The following GSE1 variants were observed in gnomAD, a reference collection of about 807,000 sequenced individuals.
GSE1 encodes genetic suppressor element 1.
GSE1 carries 32 observed loss-of-function variants against 112.6 expected under a neutral mutation model. The observed-to-expected ratio is 0.28, with a 90% CI of 0.21 to 0.38. GSE1 has a LOEUF of 0.38. Among genes scored for constraint, GSE1 ranks in the 10% least tolerant of loss-of-function variants. GSE1 has a pLI of 1.00. For synonymous variants in GSE1, 1,115 were observed against 735.6 expected, an observed-to-expected ratio of 1.52 and a Z score of -8.35; for missense variants, 2,348 against 1,699.2, an observed-to-expected ratio of 1.38 and a Z score of -6.71.
intron 2 of GSE1, among the ~76,000 whole-genome samples, chr16:85,371,851 A>T (rs2047307964): frequency 6.6e-6 from 1 of 152,176 alleles, no homozygotes; most frequent in South Asian, 2.1e-4. Flanking sequence ...CCAAGCCTAG[A>T]ACCTGAATGA....
chr16:85,424,323 C>T (rs926099802), intron 2 of GSE1, among the ~76,000 whole-genome samples: 4 of 152,216 alleles, frequency 2.6e-5, no homozygotes, highest in Admixed American at 6.5e-5. Flanking sequence ...ACGGCAGGGT[C>T]GCCGCTTAAA....
At chr16:85,661,108 C>T (rs921020093) in intron 8 of GSE1, 38 bp from the exon 9 acceptor site, 4 of 1,528,062 alleles carry the variant, frequency 2.6e-6, no homozygotes, top group Admixed American at 2.0e-5. Flanking sequence ...ACTGAAGGGT[C>T]TTTTCTCCCT....
chr16:85,325,641 G>A (rs750612785), intron 1 of GSE1, among the ~76,000 whole-genome samples: 10 of 151,890 alleles, frequency 6.6e-5, no homozygotes, highest in East Asian at 5.8e-4. Context: ...TAGTAGAGAC[G>A]GCATTTCACC....
Position 85,656,542 on chromosome 16 carries a change from G to A in GSE1, c.1189G>A (p.Glu397Lys), listed in dbSNP as rs1413318168. The A allele has an allele frequency of 6.5e-7, 1 of 1,548,844 alleles. No individual in the cohort carries two copies. The highest frequency in any genetic ancestry group is 1.2e-5 in the South Asian group (1 of 83,984). ...RQREQRAREK[E>K]LLAAKALEPS... Reference sequence around the variant, plus strand: ...GCGGGAGCAGCGGGCCCGGGAGAAGGAGCTGCTGGCCGCCAAGGCCCTGGA... The same window carrying A: ...GCGGGAGCAGCGGGCCCGGGAGAAGAAGCTGCTGGCCGCCAAGGCCCTGGA... Residue 397 changes from glutamate (E) to lysine (K), a missense_variant, in exon 7 of 16, where the codon GAG becomes AAG. By Grantham distance (56) the Glu-to-Lys change is moderately conservative. Transcript: ENST00000253458.
At chr16:85,538,278 C>T (rs1398928370) in intron 2 of GSE1, among the ~76,000 whole-genome samples, 1 of 152,218 alleles carries the variant, frequency 6.6e-6, no homozygotes, top group East Asian at 1.9e-4. Flanking sequence ...ACTGCTGAGC[C>T]CTGCAAAAGG....
Position 85,660,072 on chromosome 16 carries a change from G to T in GSE1, c.1641-1074G>T, listed in dbSNP as rs140512709. Among the ~76,000 whole-genome samples the T allele has an allele frequency of 6.8e-4, 104 of 152,360 alleles. 1 individual carries two copies. Among genetic ancestry groups the T allele is most frequent in the African/African-American group, 2.4e-3 (99 of 41,596 alleles). Reference sequence around the variant, plus strand: ...AGTGGGGAGGGAGGAGTACTGCCCTGTGAAGGTGGCCAGCCTGCCCTGTGT... The same window carrying T: ...AGTGGGGAGGGAGGAGTACTGCCCTTTGAAGGTGGCCAGCCTGCCCTGTGT... On this transcript the variant is annotated intron_variant, in intron 8 of 15. Coordinates refer to ENST00000253458, the MANE Select transcript of GSE1 (RefSeq NM_014615.5).
In GSE1 at chr16:85,182,935, C is replaced by T. The variant is rs116119052; in HGVS notation, c.2283+11128C>T. Among the ~76,000 whole-genome samples, 375 of 152,260 alleles carry T rather than the reference C, an allele frequency of 2.5e-3. 2 individuals carry two copies. Among genetic ancestry groups the T allele is most frequent in the African/African-American group, 8.4e-3 (349 of 41,540 alleles). Reference sequence around the variant, plus strand: ...CCTTGCACCTCCTTCTCCTGCACCACGCTCGCACACTTGTATGCGTACACG... The same window carrying T: ...CCTTGCACCTCCTTCTCCTGCACCATGCTCGCACACTTGTATGCGTACACG... On this transcript the variant is annotated intron_variant, in intron 1 of 2. Coordinates refer to the GSE1 transcript ENST00000637419.
intron 2 of GSE1, among the ~76,000 whole-genome samples, chr16:85,449,497 C>T (rs1413775684): frequency 6.6e-6 from 1 of 152,228 alleles, no homozygotes; most frequent in Non-Finnish European, 1.5e-5. Context: ...CACAGGGTCA[C>T]CTGAGAATCC....
In GSE1 at chr16:85,661,198, G is replaced by A; in HGVS notation, c.1693G>A (p.Gly565Arg). The A allele has an allele frequency of 6.2e-7, 1 of 1,605,696 alleles. No homozygotes were observed. Among genetic ancestry groups the A allele is most frequent in the Non-Finnish European group, 8.5e-7 (1 of 1,174,296 alleles). ...PGGRDPPQHF[G>R]GPPPLISPKP... ...TGGCCGTGACCCTCCGCAGCACTTT[G>A]GGGGGCCACCACCTCTGATTTCGCC... is the stretch of plus-strand genomic sequence containing the variant. Residue 565 changes from glycine to arginine, a missense_variant, in exon 9 of 16, where the codon GGG becomes AGG. Physicochemically the swap from Gly to Arg is moderately radical, Grantham distance 125. Coordinates refer to ENST00000253458, the MANE Select transcript of GSE1 (RefSeq NM_014615.5).
chr16:85,632,544 C>G (rs550915181), intron 1 of GSE1, among the ~76,000 whole-genome samples: 83 of 152,288 alleles, frequency 5.5e-4, no homozygotes, highest in African/African-American at 2.0e-3. Flanking sequence ...GGGGTCCTCT[C>G]CACGCTGCCT....
chr16:85,331,434 T>G (rs1270415262), intron 1 of GSE1, among the ~76,000 whole-genome samples: 1 of 144,882 alleles, frequency 6.9e-6, no homozygotes, highest in East Asian at 2.0e-4. Context: ...TATATATGTA[T>G]ATATATGCGT....
At chr16:85,478,853 TTC>T (rs1252546214) in intron 2 of GSE1, among the ~76,000 whole-genome samples, 1 of 14,836 alleles carries the variant, frequency 6.7e-5, no homozygotes, top group African/African-American at 4.4e-4. Flanking sequence ...CTTTCTTTCT[TTC>T]TTTCTTTCTT....
intron 1 of GSE1, among the ~76,000 whole-genome samples, chr16:85,181,925 C>T (rs546903919): frequency 6.7e-4 from 102 of 152,328 alleles, no homozygotes; most frequent in African/African-American, 2.2e-3. Context: ...TTTGAGCTGG[C>T]GCGTCCTCCA....
At chr16:85,635,789 G>A (rs886256563) in intron 2 of GSE1, among the ~76,000 whole-genome samples, 1 of 152,212 alleles carries the variant, frequency 6.6e-6, no homozygotes, top group African/African-American at 2.4e-5. Context: ...CTGCTTTGGG[G>A]CCTCTGGGCT....
chr16:85,614,338 C>G (rs962819553), intron 1 of GSE1, among the ~76,000 whole-genome samples: 27 of 152,120 alleles, frequency 1.8e-4, no homozygotes, highest in Admixed American at 7.2e-4. Context: ...GCCCGCCTCT[C>G]TAGCAGGCTA....
intron 2 of GSE1, among the ~76,000 whole-genome samples, chr16:85,493,891 G>T (rs139136930): frequency 6.6e-6 from 1 of 151,462 alleles, no homozygotes; most frequent in African/African-American, 2.4e-5. Context: ...ACCAGCCTGC[G>T]CAATATAAGT....
At chr16:85,256,052 C>T (rs774178399) in intron 1 of GSE1, among the ~76,000 whole-genome samples, 6 of 152,328 alleles carry the variant, frequency 3.9e-5, no homozygotes, top group Non-Finnish European at 7.3e-5. Flanking sequence ...GCCTCAGCTT[C>T]CCCATATGTA....
At chr16:85,569,938 G>T (rs994064950) in intron 1 of GSE1, among the ~76,000 whole-genome samples, 7 of 152,202 alleles carry the variant, frequency 4.6e-5, no homozygotes, top group Non-Finnish European at 7.3e-5. Flanking sequence ...TGAGCCCTAG[G>T]GGGTGGAGGT....
chr16:85,424,858 G>A (rs1040359124), intron 2 of GSE1, among the ~76,000 whole-genome samples: 11 of 152,266 alleles, frequency 7.2e-5, no homozygotes, highest in African/African-American at 1.2e-4. Context: ...CACTTACAGC[G>A]ATCAGTGGAA....
Sources: allele counts gnomAD v4.1 joint callset (sites outside exome capture counted in the v4.1 genomes callset), GRCh38; gene constraint gnomAD v4.1.1; transcripts MANE v1.5; gene names NCBI Gene and HGNC (gene_info 2026-07-23, HGNC 2026-07-21).